ABCB5: variants seen among roughly 807,000 people sequenced by gnomAD.
ABCB5 encodes ATP-binding cassette sub-family B member 5.
Under a neutral mutation model 144.2 loss-of-function variants are expected in ABCB5, and 155 were observed. The ratio of observed to expected loss-of-function variants is 1.08; its 90% CI spans 0.94 to 1.23. The LOEUF is 1.23. ABCB5 is among the 50% of genes most tolerant of loss of function. The pLI is 0.00. For missense variants in ABCB5, 1,830 were observed against 1,520.8 expected (o/e 1.20, Z -3.38); for synonymous variants, 610 against 528.6 (o/e 1.15, Z -2.11).
In ABCB5 at chr7:20,711,800, C is replaced by CTTTCTT. The variant is rs1787056782; in HGVS notation, c.2421+6995_2421+7000dup. 1.2e-4 allele frequency among the ~76,000 whole-genome samples: 5 copies of CTTTCTT among 42,646 alleles called. 1 individual carries two copies. The highest frequency in any genetic ancestry group is 1.8e-4 in the Non-Finnish European group (5 of 28,032). The allele number at this position is 42,646 out of a possible 152,430, so 28.0% of individuals were successfully genotyped here. On this transcript the variant is annotated intron_variant, in intron 20 of 27. Transcript: ENST00000404938. ...TTTCTCTTTCTTTCTTTCTTTCTTT[C>CTTTCTT]TTTCTTTCTTTCTTTCTTTCTTTCT... is the stretch of plus-strand genomic sequence containing the variant.
intron 19 of ABCB5, among the ~76,000 whole-genome samples, chr7:20,703,582 C>T (rs1786706404): frequency 6.6e-6 from 1 of 150,978 alleles, no homozygotes; most frequent in African/African-American, 2.4e-5. Context: ...TTACCTGGGC[C>T]TCAGAGCCCT....
intron 1 of ABCB5, among the ~76,000 whole-genome samples, chr7:20,616,865 G>C (rs1321943316): frequency 6.6e-6 from 1 of 152,192 alleles, no homozygotes; most frequent in African/African-American, 2.4e-5. Flanking sequence ...CTCACAAATT[G>C]CTTTGACCTT....
chr7:20,737,948 G>A (rs1280369990), intron 23 of ABCB5, among the ~76,000 whole-genome samples: 2 of 152,132 alleles, frequency 1.3e-5, no homozygotes, highest in Non-Finnish European at 2.9e-5. Context: ...ATTTTATACT[G>A]TGTTTGATCT....
chr7:20,724,197 G>A (rs978414864), intron 21 of ABCB5, among the ~76,000 whole-genome samples: 2 of 69,246 alleles, frequency 2.9e-5, no homozygotes, highest in East Asian at 1.1e-3. Context: ...TTTTTTTCTT[G>A]TCTTATTTAT....
chr7:20,738,094 T>C (rs1782447206), intron 23 of ABCB5, among the ~76,000 whole-genome samples: 1 of 152,186 alleles, frequency 6.6e-6, no homozygotes, highest in South Asian at 2.1e-4. Flanking sequence ...TTTGCTGTTA[T>C]CCAGCACTGC....
intron 14 of ABCB5, among the ~76,000 whole-genome samples, chr7:20,669,222 G>C (rs1314399928): frequency 6.5e-4 from 94 of 144,916 alleles, no homozygotes; most frequent in Middle Eastern, 3.8e-3. Context: ...CCGTCTGGGA[G>C]GTGTGCCCAG....
intron 26 of ABCB5, among the ~76,000 whole-genome samples, chr7:20,746,059 C>T (rs1194727452): frequency 6.6e-6 from 1 of 152,176 alleles, no homozygotes; most frequent in Non-Finnish European, 1.5e-5. Context: ...TTTCTCCAGC[C>T]TAGACCTCCC....
At chr7:20,638,972 C>T (rs1784225009) in intron 5 of ABCB5, among the ~76,000 whole-genome samples, 1 of 152,126 alleles carries the variant, frequency 6.6e-6, no homozygotes, top group African/African-American at 2.4e-5. Context: ...TTTTACTGTC[C>T]ACCAGCAGTG....
chr7:20,737,752 T>TAA (rs397952067), intron 23 of ABCB5, among the ~76,000 whole-genome samples: 16 of 146,808 alleles, frequency 1.1e-4, no homozygotes, highest in African/African-American at 1.5e-4. Context: ...AAAACACATT[T>TAA]AAAAAAAAAA....
chr7:20,723,339 G>A, intron 21 of ABCB5, 120 bp downstream of exon 21: 1 of 1,054,170 alleles, frequency 9.5e-7, no homozygotes, highest in African/African-American at 1.6e-5. Flanking sequence ...TCATCTCTTA[G>A]GGATCTGTAA....
chr7:20,619,434 A>T (rs1783761477), intron 1 of ABCB5, among the ~76,000 whole-genome samples: 1 of 152,148 alleles, frequency 6.6e-6, no homozygotes, highest in Non-Finnish European at 1.5e-5. Flanking sequence ...TTTTCTCATG[A>T]TTAGTGACGA....
chr7:20,708,111 C>T (rs1786882218), intron 20 of ABCB5, among the ~76,000 whole-genome samples: 1 of 152,142 alleles, frequency 6.6e-6, no homozygotes, highest in Non-Finnish European at 1.5e-5. Flanking sequence ...GCGGTAACCT[C>T]ATTTCTTAAT....
At chr7:20,620,511 T>C (rs1372894527) in intron 1 of ABCB5, among the ~76,000 whole-genome samples, 1 of 151,572 alleles carries the variant, frequency 6.6e-6, no homozygotes, top group Admixed American at 6.6e-5. Context: ...CTTAATAATA[T>C]CCAGAATATA....
chr7:20,682,432 G>T (rs143207903), intron 15 of ABCB5, among the ~76,000 whole-genome samples: 62 of 152,278 alleles, frequency 4.1e-4, no homozygotes, highest in African/African-American at 1.3e-3. Flanking sequence ...CATGGAAGAG[G>T]TCTTTAAGGT....
At chr7:20,684,618 A>AC (rs1785933432) in intron 15 of ABCB5, among the ~76,000 whole-genome samples, 1 of 152,052 alleles carries the variant, frequency 6.6e-6, no homozygotes. Context: ...TAAAAACAAA[A>AC]AATAAAAAAT....
chr7:20,640,238 T>C (rs1049489134), intron 5 of ABCB5, among the ~76,000 whole-genome samples: 3 of 152,230 alleles, frequency 2.0e-5, no homozygotes, highest in Non-Finnish European at 4.4e-5. Flanking sequence ...TCTGTGAAAA[T>C]TGAATTATCA....
chr7:20,743,167 G>A (rs1782615972), intron 25 of ABCB5, 93 bp downstream of exon 25: 4 of 1,368,122 alleles, frequency 2.9e-6, no homozygotes, highest in Non-Finnish European at 3.0e-6. Context: ...GGTTTGGGTG[G>A]GGCAAACAAT....
Position 20,653,590 on chromosome 7 carries a change from C to G in ABCB5, c.1536+1967C>G, listed in dbSNP as rs759570964. On this transcript the variant is annotated intron_variant, in intron 13 of 27. Transcript: ENST00000404938. ...ATGAGAGGTAATGAAAGACTGATTC[C>G]TAACAGAGAGGAATCTCATAAAGGT... Among the ~76,000 whole-genome samples the G allele has an allele frequency of 2.2e-4, 33 of 152,174 alleles. 1 individual carries two copies. The highest frequency in any genetic ancestry group is 5.9e-5 in the Non-Finnish European group (4 of 68,030).
chr7:20,729,577 T>G (rs1256011781), intron 23 of ABCB5, among the ~76,000 whole-genome samples: 4 of 152,222 alleles, frequency 2.6e-5, no homozygotes, highest in Admixed American at 2.6e-4. Flanking sequence ...GAACATCTAA[T>G]GCAACTGCTA....
Sources: allele counts gnomAD v4.1 joint callset (sites outside exome capture counted in the v4.1 genomes callset), GRCh38; gene constraint gnomAD v4.1.1; transcripts MANE v1.5; gene names NCBI Gene and HGNC (gene_info 2026-07-23, HGNC 2026-07-21).